PKD2L1: variants seen among roughly 807,000 people sequenced by gnomAD.
PKD2L1 encodes polycystin-2-like protein 1.
Under a neutral mutation model 93.0 loss-of-function variants are expected in PKD2L1, and 77 were observed. The ratio of observed to expected loss-of-function variants is 0.83; its 90% confidence interval spans 0.69 to 1.00. PKD2L1 has a LOEUF of 1.00. Among genes scored for constraint, PKD2L1 ranks in the 50% least tolerant of loss-of-function variants. The pLI is 0.00. For synonymous variants in PKD2L1, 390 were observed against 388.0 expected (o/e 1.01, Z -0.06); for missense variants, 977 against 990.9 (o/e 0.99, Z 0.19).
At chr10:100,303,776 G>A (rs1006711023) in intron 2 of PKD2L1, among the ~76,000 whole-genome samples, 2 of 152,190 alleles carry the variant, frequency 1.3e-5, no homozygotes, top group Non-Finnish European at 2.9e-5. Context: ...TTTTCTGGAT[G>A]TGAAAATGGG....
At chr10:100,322,469 C>T (rs1849283577) in intron 2 of PKD2L1, among the ~76,000 whole-genome samples, 1 of 151,040 alleles carries the variant, frequency 6.6e-6, no homozygotes, top group African/African-American at 2.4e-5. Flanking sequence ...AAGAACCAGA[C>T]TCTGTCTCAA....
intron 11 of PKD2L1, among the ~76,000 whole-genome samples, chr10:100,292,057 C>T (rs1325129345): frequency 1.3e-5 from 2 of 151,922 alleles, no homozygotes; most frequent in South Asian, 2.1e-4. Context: ...TATTCATCCT[C>T]CAATATCCTA....
chr10:100,289,130 T>C (rs761819724), intron 14 of PKD2L1, 74 bp from the exon 15 acceptor site: 107 of 1,095,150 alleles, frequency 9.8e-5, no homozygotes, highest in African/African-American at 1.2e-4. Context: ...CTCTATCTGA[T>C]TCCAGAGAAC....
At chr10:100,289,172 C>A in intron 14 of PKD2L1, 116 bp from the exon 15 acceptor site, 4 of 646,786 alleles carry the variant, frequency 6.2e-6, no homozygotes, top group Non-Finnish European at 7.9e-6. Context: ...GCGTCCCTCC[C>A]AAATTCATCC....
intron 2 of PKD2L1, among the ~76,000 whole-genome samples, chr10:100,302,693 CAAAA>C (rs35577057): frequency 1.2e-4 from 16 of 135,456 alleles, no homozygotes; most frequent in East Asian, 4.2e-4. Flanking sequence ...CTCTGTCCCC[CAAAA>C]AAAAAAAAAA....
chr10:100,315,743 C>G (rs1379287775), intron 2 of PKD2L1, among the ~76,000 whole-genome samples: 3 of 151,998 alleles, frequency 2.0e-5, no homozygotes, highest in Non-Finnish European at 4.4e-5. Flanking sequence ...CTTACTTGCC[C>G]CTTGAGACTC....
At chr10:100,304,474 C>T (rs945093929) in intron 2 of PKD2L1, among the ~76,000 whole-genome samples, 11 of 151,448 alleles carry the variant, frequency 7.3e-5, no homozygotes, top group Admixed American at 2.6e-4. Context: ...CTAGGTGTCA[C>T]GGTTTCTTTT....
Position 100,288,483 on chromosome 10 carries a change from G to A in PKD2L1, c.2336-5C>T. On this transcript the variant is annotated splice_polypyrimidine_tract_variant and splice_region_variant and intron_variant, in intron 15 of 15. Transcript: ENST00000318222. ...CTTCTCTTTTATAGGGAACCTCTGT[G>A]GGGGAAAACGAGAAACCCATGGGTG... 1 of 1,585,392 alleles carries A rather than the reference G, an allele frequency of 6.3e-7. No individual in the cohort carries two copies. The highest frequency in any genetic ancestry group is 1.7e-5 in the Admixed American group (1 of 59,970).
chr10:100,327,898 T>C (rs1295225063), intron 2 of PKD2L1, among the ~76,000 whole-genome samples: 2 of 152,214 alleles, frequency 1.3e-5, no homozygotes, highest in East Asian at 3.8e-4. Context: ...AAGTGCTTTC[T>C]GCCAGCTTTC....
intron 2 of PKD2L1, among the ~76,000 whole-genome samples, chr10:100,318,416 G>A (rs907268758): frequency 6.6e-6 from 1 of 152,200 alleles, no homozygotes; most frequent in Non-Finnish European, 1.5e-5. Flanking sequence ...TCAAACTCAC[G>A]CCTTGTAATA....
At position 100,317,924 on chromosome 10, in the gene PKD2L1, C is replaced by A. The variant is rs186431842; in HGVS notation, c.349+11287G>T. On this transcript the variant is annotated intron_variant, in intron 2 of 15. Coordinates refer to ENST00000318222, the MANE Select transcript of PKD2L1 (RefSeq NM_016112.3). ...GAAATCCCATCTCTACTAAAAAAAA[C>A]CAAAAATTAGCTGGGTGTGGTGGTG... 9.1e-3 allele frequency among the ~76,000 whole-genome samples: 1,388 copies of A among 152,028 alleles called. 19 individuals are homozygous for A. The highest frequency in any genetic ancestry group is 0.013 in the African/African-American group (542 of 41,482).
intron 2 of PKD2L1, among the ~76,000 whole-genome samples, chr10:100,307,576 C>T (rs59753340): frequency 0.049 from 7,530 of 152,200 alleles, 642 homozygotes; most frequent in African/African-American, 0.17. Flanking sequence ...GGGAGGATCG[C>T]TTGAGCCCTG....
chr10:100,318,807 C>G (rs1223640425), intron 2 of PKD2L1, among the ~76,000 whole-genome samples: 3 of 151,630 alleles, frequency 2.0e-5, no homozygotes, highest in African/African-American at 7.3e-5. Context: ...GCGTGAGCCA[C>G]CGCACCCAGC....
At chr10:100,315,592 T>C (rs1482170757) in intron 2 of PKD2L1, among the ~76,000 whole-genome samples, 1 of 152,216 alleles carries the variant, frequency 6.6e-6, no homozygotes, top group East Asian at 1.9e-4. Context: ...CTCTATGTTA[T>C]TTGACTTTTA....
intron 2 of PKD2L1, among the ~76,000 whole-genome samples, chr10:100,307,577 T>G (rs1188356048): frequency 6.6e-6 from 1 of 152,162 alleles, no homozygotes; most frequent in Non-Finnish European, 1.5e-5. Context: ...GGAGGATCGC[T>G]TGAGCCCTGG....
In PKD2L1 at chr10:100,329,307, G is replaced by C. The variant is rs1849450109; in HGVS notation, c.253C>G (p.Leu85Val). The C allele has an allele frequency of 8.1e-6, 13 of 1,614,162 alleles. No individual in the cohort carries two copies. Among genetic ancestry groups the C allele is most frequent in the Non-Finnish European group, 1.1e-5 (13 of 1,180,012 alleles). ...CGGTTCTCAGCTGTGTTCTCAGTCA[G>C]GGTTGTTCCCCAAAGTCCTAAGGGG... Reference protein sequence around the residue: ...QGIRGLWGTTLTENTAENREL... With the variant: ...QGIRGLWGTTVTENTAENREL... Residue 85 changes from leucine to valine, a missense_variant, in exon 2 of 16, where the codon CTG (leucine) becomes GTG (valine). Physicochemically the swap from Leu to Val is conservative, Grantham distance 32. Coordinates refer to ENST00000318222, the MANE Select transcript of PKD2L1 (RefSeq NM_016112.3).
chr10:100,318,886 G>A (rs1267414102), intron 2 of PKD2L1, among the ~76,000 whole-genome samples: 4 of 132,000 alleles, frequency 3.0e-5, no homozygotes, highest in Admixed American at 1.6e-4. Flanking sequence ...TCACTCTGTC[G>A]CCCAGGCTGA....
intron 7 of PKD2L1, among the ~76,000 whole-genome samples, chr10:100,295,428 TAAA>T (rs751427378): frequency 2.8e-5 from 2 of 71,214 alleles, no homozygotes; most frequent in Admixed American, 1.7e-4. Context: ...CTGGGACCAT[TAAA>T]AAAAAAAAAA....
rs1351738539 is a variant in PKD2L1, at chr10:100,296,895, C to T, written c.1185+85G>A. The T allele has an allele frequency of 3.3e-5, 28 of 854,982 alleles. 1 individual carries two copies. The East Asian group carries it at 6.7e-4, about 20-fold the overall frequency. The allele number at this position is 854,982 out of a possible 1,614,324, so 53.0% of individuals were successfully genotyped here. A position where few individuals can be genotyped will look rare whatever the true frequency, so the allele number is the denominator to read the frequency against. ...AAGTCAGAAGGAGGGCTTAGGGCTCCAAAAGGAAGAACCTGGAGCCCCTAT... is the reference window on the plus strand; with the variant it reads ...AAGTCAGAAGGAGGGCTTAGGGCTCTAAAAGGAAGAACCTGGAGCCCCTAT... On this transcript the variant is annotated intron_variant, in intron 6 of 15. Transcript: ENST00000318222.
Sources: allele counts gnomAD v4.1 joint callset (sites outside exome capture counted in the v4.1 genomes callset), GRCh38; gene constraint gnomAD v4.1.1; transcripts MANE v1.5; gene names NCBI Gene and HGNC (gene_info 2026-07-23, HGNC 2026-07-21).